Variants in LRP5 observed in about 807,000 individuals in gnomAD.
LRP5 encodes the protein LDL receptor related protein 5.
A neutral mutation model predicts 154.1 loss-of-function variants in LRP5; 62 were observed. The observed-to-expected ratio is 0.40, with a 90% confidence interval of 0.33 to 0.50. The LOEUF is 0.50. Among genes scored for constraint, LRP5 ranks in the 20% least tolerant of loss-of-function variants. LRP5 has a pLI of 0.55. For synonymous variants in LRP5, 966 were observed against 1,011.5 expected (o/e 0.96, Z 0.85); for missense variants, 1,915 against 2,336.7 (o/e 0.82, Z 3.72).
intron 21 of LRP5, among the ~76,000 whole-genome samples, chr11:68,445,997 G>C (rs959462438): frequency 1.3e-4 from 20 of 152,320 alleles, no homozygotes; most frequent in African/African-American, 4.8e-4. Context: ...AGGGAGGAGG[G>C]GCAGGAGGAA....
At chr11:68,319,465 T>C (rs1341019315) in intron 1 of LRP5, among the ~76,000 whole-genome samples, 1 of 152,196 alleles carries the variant, frequency 6.6e-6, no homozygotes, top group Non-Finnish European at 1.5e-5. Context: ...TCCTCCCACC[T>C]CAGCCTCCCA....
rs887170196 is a variant in LRP5, at chr11:68,406,936, G to A, written c.2091+123G>A. ...TCGTATTTATTGTAACGCAGTTCAA[G>A]CTAATCAAATATGAGCAAGCCTATT... On this transcript the variant is annotated intron_variant, in intron 9 of 22. Coordinates refer to ENST00000294304, the MANE Select transcript of LRP5 (RefSeq NM_002335.4). The A allele has an allele frequency of 2.6e-5, 26 of 1,010,520 alleles. No individual in the cohort carries two copies. In the Admixed American group the frequency reaches 5.5e-4, roughly 21 times the overall value. The allele number at this position is 1,010,520 out of a possible 1,614,324, so 62.6% of individuals were successfully genotyped here.
intron 21 of LRP5, chr11:68,445,509 A>C: frequency 1.1e-6 from 1 of 926,040 alleles, no homozygotes; most frequent in Non-Finnish European, 1.5e-6. Flanking sequence ...GTACCACCCT[A>C]GGGGGCCTGA....
At chr11:68,393,251 C>G (rs2098647381) in intron 7 of LRP5, among the ~76,000 whole-genome samples, 1 of 152,024 alleles carries the variant, frequency 6.6e-6, no homozygotes, top group Non-Finnish European at 1.5e-5. Flanking sequence ...CACCTTTTGT[C>G]TCCTGTGAAT....
intron 8 of LRP5, chr11:68,404,189 T>C (rs2098654239): frequency 2.2e-6 from 1 of 456,366 alleles, no homozygotes; most frequent in Non-Finnish European, 4.3e-6. Flanking sequence ...AGGAGGTCGT[T>C]GTCTGGCACA....
intron 13 of LRP5, among the ~76,000 whole-genome samples, chr11:68,421,686 C>CTGTGTGTGTGTGTGTGTGTG (rs148066763): frequency 7.5e-6 from 1 of 133,330 alleles, no homozygotes; most frequent in Non-Finnish European, 1.6e-5. Flanking sequence ...CCCAGCAAGG[C>CTGTGTGTGTGTGTGTGTGTG]TGTGTGTGTG....
At chr11:68,412,411 C>A (rs753345456) in intron 11 of LRP5, among the ~76,000 whole-genome samples, 2 of 152,040 alleles carry the variant, frequency 1.3e-5, no homozygotes, top group Admixed American at 6.6e-5. Context: ...GAGGCCAAGG[C>A]GGGCAGATGA....
the LRP5 span, among the ~76,000 whole-genome samples, chr11:68,303,536 C>T: frequency 6.6e-6 from 1 of 152,160 alleles, no homozygotes; most frequent in Non-Finnish European, 1.5e-5. Flanking sequence ...ATTCTGTCAC[C>T]AGGCTGGAGT....
At position 68,319,740 on chromosome 11, in the gene LRP5, T is replaced by C. The variant is rs117956358; in HGVS notation, c.91+6935T>C. Among the ~76,000 whole-genome samples, 38 of 152,324 alleles carry C rather than the reference T, an allele frequency of 2.5e-4. No individual in the cohort carries two copies. The East Asian group carries it at 6.7e-3, about 27-fold the overall frequency. On this transcript the variant is annotated intron_variant, in intron 1 of 22. Coordinates refer to ENST00000294304, the MANE Select transcript of LRP5 (RefSeq NM_002335.4). The stretch of plus-strand genomic sequence containing the variant: ...ACAGGTGCACTTGACAGCATTTACC[T>C]GATTGAGGAGTTTTTCCAGCCTTCA...
intron 13 of LRP5, among the ~76,000 whole-genome samples, chr11:68,418,331 G>A (rs1429371343): frequency 1.3e-5 from 2 of 152,078 alleles, no homozygotes; most frequent in African/African-American, 4.8e-5. Flanking sequence ...GAACCTGGGA[G>A]GTGGAGGTTG....
chr11:68,324,621 T>A (rs946613547), intron 1 of LRP5, among the ~76,000 whole-genome samples: 2 of 152,178 alleles, frequency 1.3e-5, no homozygotes, highest in Admixed American at 6.5e-5. Flanking sequence ...TAAAAAAAAA[T>A]TTCCATCTGT....
At position 68,391,322 on chromosome 11, in the gene LRP5, C is replaced by T. The variant is rs544905344; in HGVS notation, c.1584+1270C>T. Among the ~76,000 whole-genome samples, 6 of 152,312 alleles carry T rather than the reference C, an allele frequency of 3.9e-5. No individual in the cohort carries two copies. In the East Asian group the frequency reaches 1.2e-3, roughly 29 times the overall value. The stretch of plus-strand genomic sequence containing the variant: ...GGTGCCAGTGATATGTTACATGTGT[C>T]CCCATCGCACCATCGTCACCCATTG... On this transcript the variant is annotated intron_variant, in intron 7 of 22. Coordinates refer to ENST00000294304, the MANE Select transcript of LRP5 (RefSeq NM_002335.4).
chr11:68,402,244 A>G (rs1217523089), intron 7 of LRP5, among the ~76,000 whole-genome samples: 1 of 152,178 alleles, frequency 6.6e-6, no homozygotes, highest in Non-Finnish European at 1.5e-5. Flanking sequence ...TCCTGTTAAC[A>G]TACAGTTCTG....
At chr11:68,436,356 G>A (rs888292785) in intron 18 of LRP5, among the ~76,000 whole-genome samples, 2 of 152,078 alleles carry the variant, frequency 1.3e-5, no homozygotes, top group Non-Finnish European at 2.9e-5. Context: ...GGAGGCAGCC[G>A]TCAGCGCCCT....
At chr11:68,368,827 T>C (rs2153142225) in intron 5 of LRP5, among the ~76,000 whole-genome samples, 1 of 151,670 alleles carries the variant, frequency 6.6e-6, no homozygotes, top group Admixed American at 6.6e-5. Flanking sequence ...ATCAAAGACA[T>C]GAGTTTTAGT....
rs760526754 is a variant in LRP5, at chr11:68,436,870, G to A, written c.4001-19G>A. 2.3e-5 allele frequency: 37 copies of A among 1,597,756 alleles called. No homozygotes were observed. Among genetic ancestry groups the A allele is most frequent in the Non-Finnish European group, 2.8e-5 (33 of 1,165,882 alleles). On this transcript the variant is annotated intron_variant, in intron 18 of 22. Coordinates refer to ENST00000294304, the MANE Select transcript of LRP5 (RefSeq NM_002335.4). ...GGGGCACCCTCCAGCCTCTCTGAGT[G>A]CATGGCCTCTCCTTGCAGCCATCTG...
At chr11:68,374,098 A>G (rs1485417109) in intron 5 of LRP5, among the ~76,000 whole-genome samples, 1 of 152,192 alleles carries the variant, frequency 6.6e-6, no homozygotes, top group Admixed American at 6.5e-5. Flanking sequence ...TTCGTCTGTC[A>G]GGGACAGGAA....
intron 1 of LRP5, among the ~76,000 whole-genome samples, chr11:68,340,831 C>T (rs961860635): frequency 6.6e-6 from 1 of 152,174 alleles, no homozygotes; most frequent in South Asian, 2.1e-4. Flanking sequence ...AGACTTGTCT[C>T]CCTAATGAGG....
intron 22 of LRP5, among the ~76,000 whole-genome samples, chr11:68,446,824 G>A (rs117804043): frequency 6.6e-6 from 1 of 152,188 alleles, no homozygotes; most frequent in African/African-American, 2.4e-5. Flanking sequence ...CTGTGGCGTC[G>A]AGGGGCCGGG....
Sources: gnomAD v4.1 joint callset for allele counts (sites outside exome capture counted in the v4.1 genomes callset) on GRCh38, gnomAD v4.1.1 for gene constraint, MANE v1.5 for transcripts, NCBI Gene and HGNC (gene_info 2026-07-23, HGNC 2026-07-21) for gene names.